Variants in SLCO5A1 observed in about 807,000 individuals in gnomAD.
SLCO5A1 encodes the protein solute carrier organic anion transporter family member 5A1, also known as organic anion transporter polypeptide-related protein 4.
In SLCO5A1, 39 loss-of-function variants were observed where a neutral mutation model predicts 65.1. That is an observed-to-expected ratio of 0.60 (90% CI 0.46 to 0.78). The LOEUF (loss-of-function observed/expected upper bound fraction) is 0.78. Among genes scored for constraint, SLCO5A1 ranks in the 30% least tolerant of loss-of-function variants. The pLI is 0.00. For missense variants in SLCO5A1, 1,029 were observed against 1,069.4 expected (o/e 0.96, Z 0.53); for synonymous variants, 438 against 415.7 (o/e 1.05, Z -0.65).
intron 2 of SLCO5A1, among the ~76,000 whole-genome samples, chr8:69,763,600 A>G (rs536559404): frequency 1.1e-3 from 140 of 133,084 alleles, no homozygotes; most frequent in Non-Finnish European, 1.8e-3. Flanking sequence ...AGGCTAGGAA[A>G]CAGAGCAAGA....
At chr8:69,687,751 C>G (rs549809037) in intron 6 of SLCO5A1, among the ~76,000 whole-genome samples, 27 of 151,796 alleles carry the variant, frequency 1.8e-4, no homozygotes, top group Non-Finnish European at 3.2e-4. Flanking sequence ...ATATTGCTAC[C>G]AAGATTGTAT....
At chr8:69,720,974 A>G (rs1189605628) in intron 5 of SLCO5A1, among the ~76,000 whole-genome samples, 1 of 152,246 alleles carries the variant, frequency 6.6e-6, no homozygotes, top group African/African-American at 2.4e-5. Context: ...AACAGGAAGC[A>G]GGCTAACTTT....
chr8:69,754,787 AT>A (rs1202699332), intron 4 of SLCO5A1, among the ~76,000 whole-genome samples: 2 of 152,202 alleles, frequency 1.3e-5, no homozygotes, highest in Admixed American at 6.5e-5. Flanking sequence ...ATGAAAAAAA[AT>A]AAACCATATA....
chr8:69,794,317 T>C, intron 2 of SLCO5A1: 1 of 451,034 alleles, frequency 2.2e-6, no homozygotes, highest in South Asian at 1.8e-5. Context: ...AAAGTAGATG[T>C]CACAGGGCAG....
intron 5 of SLCO5A1, among the ~76,000 whole-genome samples, chr8:69,723,850 G>GCAA (rs897606678): frequency 1.8e-4 from 27 of 148,412 alleles, no homozygotes; most frequent in Admixed American, 6.8e-4. Context: ...TCGGCTCACT[G>GCAA]CAACCTCCGC....
chr8:69,767,837 C>A (rs1278691840), intron 2 of SLCO5A1, among the ~76,000 whole-genome samples: 1 of 140,980 alleles, frequency 7.1e-6, no homozygotes, highest in Non-Finnish European at 1.5e-5. Flanking sequence ...TTGCAGTGAG[C>A]CAAGATTGTG....
At chr8:69,795,039 A>G (rs1485751349) in intron 2 of SLCO5A1, among the ~76,000 whole-genome samples, 2 of 152,184 alleles carry the variant, frequency 1.3e-5, no homozygotes, top group African/African-American at 4.8e-5. Flanking sequence ...TTCATGAGGG[A>G]CAACCCCTGT....
chr8:69,719,854 G>A (rs909492927), intron 5 of SLCO5A1: 1 of 152,198 alleles, frequency 6.6e-6, no homozygotes, highest in Non-Finnish European at 1.5e-5. Context: ...CCGCCTCAAA[G>A]TGCTTAAACT....
intron 7 of SLCO5A1, among the ~76,000 whole-genome samples, chr8:69,680,184 A>G (rs114054410): frequency 0.015 from 2,344 of 152,290 alleles, 43 homozygotes; most frequent in African/African-American, 0.044. Context: ...CAGGTTTGTT[A>G]CACGGGTCTA....
intron 8 of SLCO5A1, among the ~76,000 whole-genome samples, chr8:69,678,853 C>T (rs1340771758): frequency 1.3e-5 from 2 of 150,916 alleles, no homozygotes; most frequent in Non-Finnish European, 2.9e-5. Context: ...TTTCTTGACT[C>T]AACTCTGAAA....
rs145446589 is a variant in SLCO5A1 at position 69,682,617 on chromosome 8, C to A, written c.1623-274G>T. ...TCACCCTCCCTCTTGGTGCTATGAA[C>A]CTGGTCTCAACATCTGGGCTCTGCA... is the stretch of plus-strand genomic sequence containing the variant. On this transcript the variant is annotated intron_variant, in intron 6 of 9. Coordinates refer to ENST00000260126, the MANE Select transcript of SLCO5A1 (RefSeq NM_030958.3). Among the ~76,000 whole-genome samples, 60 of 152,304 alleles carry A rather than the reference C, an allele frequency of 3.9e-4. 1 individual carries two copies. In the South Asian group the frequency reaches 7.0e-3, roughly 18 times the overall value.
At chr8:69,772,194 A>G (rs112526863) in intron 2 of SLCO5A1, among the ~76,000 whole-genome samples, 119 of 152,266 alleles carry the variant, frequency 7.8e-4, no homozygotes, top group African/African-American at 2.7e-3. Flanking sequence ...TGAACTCTAC[A>G]ATCTATATTG....
chr8:69,767,906 A>C lies in SLCO5A1; in HGVS notation c.908-6031T>G, dbSNP rs561679335. Among the ~76,000 whole-genome samples, 95 of 139,854 alleles carry C rather than the reference A, an allele frequency of 6.8e-4. 1 individual carries two copies. Among genetic ancestry groups the C allele is most frequent in the Middle Eastern group, 3.5e-3 (1 of 284 alleles). The allele number at this position is 139,854 out of a possible 152,430, so 91.7% of individuals were successfully genotyped here. A position where few individuals can be genotyped will look rare whatever the true frequency, so the allele number is the denominator to read the frequency against. On this transcript the variant is annotated intron_variant, in intron 2 of 9. Transcript: ENST00000260126. ...CTCCATCTCAAAAAAAAAAAAAAAA[A>C]AAAAACAAAAAGAAAAAGAAAAAGA...
At chr8:69,736,686 A>G (rs1018712095) in intron 5 of SLCO5A1, among the ~76,000 whole-genome samples, 2 of 152,250 alleles carry the variant, frequency 1.3e-5, no homozygotes, top group Non-Finnish European at 2.9e-5. Context: ...AGGAAATGAA[A>G]GGGCCTGCAG....
At position 69,673,184 on chromosome 8, in the gene SLCO5A1, G is replaced by T; in HGVS notation, c.2232C>A (p.Gly744=). Residue 744 remains glycine (G), a synonymous_variant, in exon 10 of 10, where the codon GGC becomes GGA. Coordinates refer to ENST00000260126, the MANE Select transcript of SLCO5A1 (RefSeq NM_030958.3). ...FRFVYFGLAA[G]LKFVGFIFIF... is the part of the protein sequence containing the mutation. ...TAAAAATAAACCCAACGAATTTGAG[G>T]CCGGCAGCCAAACCAAAATACACAA... The T allele has an allele frequency of 6.2e-7, 1 of 1,614,188 alleles. No homozygotes were observed.
At chr8:69,757,781 CA>C in intron 3 of SLCO5A1, among the ~76,000 whole-genome samples, 1 of 152,116 alleles carries the variant, frequency 6.6e-6, no homozygotes, top group Non-Finnish European at 1.5e-5. Context: ...GGTCCTTACC[CA>C]TCAGGCACTA....
chr8:69,707,333 G>A (rs1815016149), intron 5 of SLCO5A1, among the ~76,000 whole-genome samples: 1 of 152,146 alleles, frequency 6.6e-6, no homozygotes, highest in African/African-American at 2.4e-5. Flanking sequence ...TATTTGAGGT[G>A]AATCTCAATA....
At chr8:69,702,751 AC>A (rs1421351953) in intron 6 of SLCO5A1, among the ~76,000 whole-genome samples, 1 of 152,216 alleles carries the variant, frequency 6.6e-6, no homozygotes, top group Non-Finnish European at 1.5e-5. Flanking sequence ...GGCACCAAGC[AC>A]CAAAACTTGG....
At chr8:69,707,134 A>G (rs1393353234) in intron 5 of SLCO5A1, among the ~76,000 whole-genome samples, 2 of 152,228 alleles carry the variant, frequency 1.3e-5, no homozygotes, top group African/African-American at 2.4e-5. Flanking sequence ...CCTGGTTGAC[A>G]GAGTGAGACT....
Sources: gnomAD v4.1 joint callset for allele counts (sites outside exome capture counted in the v4.1 genomes callset) on GRCh38, gnomAD v4.1.1 for gene constraint, MANE v1.5 for transcripts, NCBI Gene and HGNC (gene_info 2026-07-23, HGNC 2026-07-21) for gene names.